The following TMEM117 variants were observed in gnomAD, a reference collection of about 807,000 sequenced individuals.
The protein encoded by TMEM117 is transmembrane protein 117.
In TMEM117, 27 loss-of-function variants were observed where a neutral mutation model predicts 52.4. The observed-to-expected ratio is 0.51, with a 90% CI of 0.38 to 0.71. The LOEUF (loss-of-function observed/expected upper bound fraction) is 0.71. Ranked by LOEUF, TMEM117 falls within the 30% of genes least tolerant of loss-of-function variation. TMEM117 has a pLI of 0.00. For synonymous variants in TMEM117, 215 were observed against 206.3 expected (o/e 1.04, Z -0.36); for missense variants, 556 against 630.5 (o/e 0.88, Z 1.26).
intron 7 of TMEM117, among the ~76,000 whole-genome samples, chr12:44,385,575 T>G (rs780903689): frequency 5.3e-5 from 8 of 152,084 alleles, no homozygotes; most frequent in Non-Finnish European, 1.2e-4. Context: ...GCTCCAGCCT[T>G]GCAACAGAGT....
intron 5 of TMEM117, among the ~76,000 whole-genome samples, chr12:44,280,393 A>G (rs1592661965): frequency 1.3e-5 from 2 of 152,110 alleles, no homozygotes; most frequent in African/African-American, 4.8e-5. Flanking sequence ...ATGTTTTACT[A>G]CCCACCCGCT....
At chr12:43,950,806 A>G (rs1565765536) in intron 3 of TMEM117, among the ~76,000 whole-genome samples, 1 of 152,194 alleles carries the variant, frequency 6.6e-6, no homozygotes, top group Non-Finnish European at 1.5e-5. Context: ...TGTAAATTCT[A>G]CTATCAGTTT....
chr12:44,256,001 C>A (rs1245172786), intron 5 of TMEM117, among the ~76,000 whole-genome samples: 1 of 151,838 alleles, frequency 6.6e-6, no homozygotes, highest in East Asian at 1.9e-4. Flanking sequence ...TTCCTCATAT[C>A]CTCAAGCAGA....
chr12:44,272,666 A>G (rs1209239733), intron 5 of TMEM117, among the ~76,000 whole-genome samples: 1 of 152,194 alleles, frequency 6.6e-6, no homozygotes, highest in African/African-American at 2.4e-5. Flanking sequence ...CAAAACCACA[A>G]TGAGATACCA....
chr12:44,014,304 A>G (rs1195684463), intron 3 of TMEM117, among the ~76,000 whole-genome samples: 1 of 152,094 alleles, frequency 6.6e-6, no homozygotes, highest in Non-Finnish European at 1.5e-5. Context: ...CCCTCAGCAG[A>G]CCTGATGAGG....
intron 3 of TMEM117, among the ~76,000 whole-genome samples, chr12:43,990,791 G>T (rs1051327933): frequency 1.3e-5 from 2 of 152,102 alleles, no homozygotes; most frequent in Non-Finnish European, 2.9e-5. Context: ...CAAAGTCCCC[G>T]AGCATGTTAA....
chr12:44,248,123 T>C (rs1950153232), intron 5 of TMEM117, among the ~76,000 whole-genome samples: 1 of 152,010 alleles, frequency 6.6e-6, no homozygotes, highest in Non-Finnish European at 1.5e-5. Context: ...TTGGGATGGG[T>C]GGACTCCTCT....
chr12:43,885,520 C>T (rs1453811753), intron 2 of TMEM117, among the ~76,000 whole-genome samples: 4 of 149,698 alleles, frequency 2.7e-5, no homozygotes, highest in African/African-American at 9.8e-5. Context: ...GAAACGCAGC[C>T]AAGAGGGAAA....
chr12:44,268,671 ACT>A (rs532775002), intron 5 of TMEM117, among the ~76,000 whole-genome samples: 114 of 152,146 alleles, frequency 7.5e-4, no homozygotes, highest in South Asian at 1.7e-3. Context: ...TATACTAACA[ACT>A]CTCACATTGT....
chr12:44,046,034 C>T (rs1946876562), intron 3 of TMEM117, among the ~76,000 whole-genome samples: 1 of 152,064 alleles, frequency 6.6e-6, no homozygotes, highest in African/African-American at 2.4e-5. Flanking sequence ...CTCCAGAAGG[C>T]CAAGTATGTT....
At chr12:44,266,122 T>G (rs1950374705) in intron 5 of TMEM117, among the ~76,000 whole-genome samples, 1 of 152,150 alleles carries the variant, frequency 6.6e-6, no homozygotes, top group South Asian at 2.1e-4. Context: ...AGAAGTGAAA[T>G]TGCTGAATAG....
intron 3 of TMEM117, among the ~76,000 whole-genome samples, chr12:43,958,820 T>C (rs1945350866): frequency 6.6e-6 from 1 of 151,772 alleles, no homozygotes; most frequent in African/African-American, 2.4e-5. Flanking sequence ...TGTTTGTTTG[T>C]TTTTGAGACA....
chr12:44,170,064 A>G (rs999965131), intron 4 of TMEM117, among the ~76,000 whole-genome samples: 26 of 152,268 alleles, frequency 1.7e-4, no homozygotes, highest in Admixed American at 7.8e-4. Context: ...TCAATGATAG[A>G]ATGGATTAAG....
chr12:43,878,659 A>G (rs1420457135), intron 2 of TMEM117, among the ~76,000 whole-genome samples: 2 of 152,238 alleles, frequency 1.3e-5, no homozygotes, highest in African/African-American at 4.8e-5. Flanking sequence ...TTTCTGAAGG[A>G]GAGAAGTAAA....
chr12:44,339,159 A>G (rs1316261737), intron 6 of TMEM117, among the ~76,000 whole-genome samples: 5 of 152,004 alleles, frequency 3.3e-5, no homozygotes, highest in Non-Finnish European at 5.9e-5. Context: ...CTCTCTGACC[A>G]TGTTCTTGGT....
chr12:44,371,288 G>C (rs968254017), intron 6 of TMEM117, among the ~76,000 whole-genome samples: 1 of 152,142 alleles, frequency 6.6e-6, no homozygotes, highest in Non-Finnish European at 1.5e-5. Context: ...ACGGGGCATA[G>C]AGATTAACAT....
rs567861940 is a variant in TMEM117, at chr12:44,304,865, A to C, written c.768+5126A>C. ...TGACATCCAGAGCCATGTTGGTTTC[A>C]GGTGAAACCCAAACATCCCCACCTG... On this transcript the variant is annotated intron_variant, in intron 6 of 7. Transcript: ENST00000266534. Among the ~76,000 whole-genome samples, 14 of 152,338 alleles carry C rather than the reference A, an allele frequency of 9.2e-5. No individual in the cohort carries two copies. The East Asian group carries it at 2.5e-3, about 27-fold the overall frequency.
chr12:44,200,024 A>G (rs1949473139), intron 4 of TMEM117, among the ~76,000 whole-genome samples: 1 of 152,166 alleles, frequency 6.6e-6, no homozygotes, highest in Non-Finnish European at 1.5e-5. Context: ...AGGCTGAGAG[A>G]GGAGAATCGG....
intron 2 of TMEM117, among the ~76,000 whole-genome samples, chr12:43,849,914 G>T (rs908434936): frequency 3.9e-5 from 6 of 152,014 alleles, no homozygotes; most frequent in Non-Finnish European, 5.9e-5. Context: ...ATTACTTCAT[G>T]AACTATTAAT....
Sources: gnomAD v4.1 joint callset for allele counts (sites outside exome capture counted in the v4.1 genomes callset) on GRCh38, gnomAD v4.1.1 for gene constraint, MANE v1.5 for transcripts, NCBI Gene and HGNC (gene_info 2026-07-23, HGNC 2026-07-21) for gene names.